The following KCNAB2 variants were observed in gnomAD, a reference collection of about 807,000 sequenced individuals.
KCNAB2 encodes voltage-gated potassium channel subunit beta-2.
A neutral mutation model predicts 63.6 loss-of-function variants in KCNAB2; 29 were observed. The ratio of observed to expected loss-of-function variants is 0.46; its 90% CI spans 0.34 to 0.62. The LOEUF is 0.62. KCNAB2 is among the 20% of genes least tolerant of loss of function. The pLI, the probability that KCNAB2 is intolerant of heterozygous loss-of-function variation, is 0.01. For missense variants in KCNAB2, 359 were observed against 563.9 expected (o/e 0.64, Z 3.68); for synonymous variants, 222 against 224.2 (o/e 0.99, Z 0.09).
At chr1:6,022,492 T>C (rs1472407540) in intron 1 of KCNAB2, among the ~76,000 whole-genome samples, 1 of 152,088 alleles carries the variant, frequency 6.6e-6, no homozygotes, top group African/African-American at 2.4e-5. Context: ...TGTAGTTCAG[T>C]GGTATTGAGT....
At chr1:6,082,497 C>G (rs1664294103) in intron 5 of KCNAB2, among the ~76,000 whole-genome samples, 1 of 152,144 alleles carries the variant, frequency 6.6e-6, no homozygotes, top group African/African-American at 2.4e-5. Flanking sequence ...GTGGAGCCAC[C>G]AGGGGGACCA....
In KCNAB2 at chr1:6,096,026, C is replaced by T. The variant is rs1235369882; in HGVS notation, c.948+402C>T. On this transcript the variant is annotated intron_variant, in intron 13 of 15. Coordinates refer to ENST00000378083, the MANE Select transcript of KCNAB2 (RefSeq NM_001199862.2). The surrounding 1 kb of genome is among the most constrained non-coding windows in gnomAD (Gnocchi z 5.9). ...ATGGAGGTGACCCTGGGAGAGGCGC[C>T]CCTCCCCACCACACAACCTCTGAGT... 4 of 458,248 alleles carry T rather than the reference C, an allele frequency of 8.7e-6. No individual in the cohort carries two copies. Among genetic ancestry groups the T allele is most frequent in the South Asian group, 1.6e-5 (1 of 64,342 alleles). The allele number at this position is 458,248 out of a possible 1,614,324, so 28.4% of individuals were successfully genotyped here.
Position 5,998,387 on chromosome 1 carries a change from G to A in KCNAB2, c.-53+5599G>A, listed in dbSNP as rs139391316. ...CCTCTGGATGGGGAGGACTGGGCTC[G>A]GTTGACCTTGGGTTTCGAGGTCTGT... is the stretch of plus-strand genomic sequence containing the variant. On this transcript the variant is annotated intron_variant, in intron 1 of 16. Coordinates refer to the KCNAB2 transcript ENST00000341524. 4.9e-3 allele frequency among the ~76,000 whole-genome samples: 745 copies of A among 152,254 alleles called. 4 individuals are homozygous for A. The highest frequency in any genetic ancestry group is 0.017 in the African/African-American group (720 of 41,548).
intron 10 of KCNAB2, among the ~76,000 whole-genome samples, chr1:6,091,842 C>A (rs1196847005): frequency 6.6e-6 from 1 of 152,222 alleles, no homozygotes; most frequent in African/African-American, 2.4e-5. Context: ...GGCATGCTGG[C>A]TGCGTGTCCC....
chr1:6,071,093 A>G lies in KCNAB2; in HGVS notation c.219-1662A>G, dbSNP rs1663145260. ...TCCACTCATGAGTTAGGAGTCCAGG[A>G]GCCTTATAACCAGGGAAACCGAGGC... On this transcript the variant is annotated intron_variant, in intron 2 of 15. Coordinates refer to ENST00000378083, the MANE Select transcript of KCNAB2 (RefSeq NM_001199862.2). This position sits in a 1 kb window ranked among gnomAD's most constrained non-coding sequence, Gnocchi z 8.5. 1.3e-5 allele frequency among the ~76,000 whole-genome samples: 2 copies of G among 152,210 alleles called. No individual in the cohort carries two copies. Among genetic ancestry groups the G allele is most frequent in the Admixed American group, 1.3e-4 (2 of 15,286 alleles).
rs1665603285 is a variant in KCNAB2, at chr1:6,096,017, G to C, written c.948+393G>C. 2 of 456,838 alleles carry C rather than the reference G, an allele frequency of 4.4e-6. No individual in the cohort carries two copies. Among genetic ancestry groups the C allele is most frequent in the South Asian group, 3.1e-5 (2 of 64,124 alleles). The allele number at this position is 456,838 out of a possible 1,614,324, so 28.3% of individuals were successfully genotyped here. ...CAAAGCCACATGGAGGTGACCCTGG[G>C]AGAGGCGCCCCTCCCCACCACACAA... On this transcript the variant is annotated intron_variant, in intron 13 of 15. Transcript: ENST00000378083. This position sits in a 1 kb window ranked among gnomAD's most constrained non-coding sequence, Gnocchi z 5.9.
intron 1 of KCNAB2, among the ~76,000 whole-genome samples, chr1:6,014,661 A>G (rs1658380437): frequency 2.0e-5 from 3 of 152,094 alleles, no homozygotes; most frequent in Admixed American, 2.0e-4. Flanking sequence ...GAGAAGATGA[A>G]CCTGATGCCT....
At chr1:6,091,539 T>C (rs879928635) in intron 10 of KCNAB2, among the ~76,000 whole-genome samples, 2 of 144,458 alleles carry the variant, frequency 1.4e-5, no homozygotes, top group Non-Finnish European at 3.0e-5. Flanking sequence ...CTCCCGTGCA[T>C]GGCCCCCACC....
At chr1:6,027,787 C>T (rs17029061) in intron 1 of KCNAB2, among the ~76,000 whole-genome samples, 3,917 of 152,306 alleles carry the variant, frequency 0.026, 175 homozygotes, top group African/African-American at 0.089. Flanking sequence ...CCCAATGCTT[C>T]TGCTGTTGAC....
At chr1:5,996,352 C>T (rs1240607400) in intron 1 of KCNAB2, among the ~76,000 whole-genome samples, 3 of 152,220 alleles carry the variant, frequency 2.0e-5, no homozygotes, top group Non-Finnish European at 2.9e-5. Context: ...GCCAGCCTCC[C>T]TCTTCCTGCA....
rs182160576 is a variant in KCNAB2, at chr1:5,997,597, G to A, written c.-53+4809G>A. Reference sequence around the variant, plus strand: ...GAATGTGTTTTCATTTTCCACCCCCGGGCAGCTTCATGATCTTTCATTGCA... The same window carrying A: ...GAATGTGTTTTCATTTTCCACCCCCAGGCAGCTTCATGATCTTTCATTGCA... On this transcript the variant is annotated intron_variant, in intron 1 of 16. Coordinates refer to the KCNAB2 transcript ENST00000341524. 1.6e-4 allele frequency among the ~76,000 whole-genome samples: 24 copies of A among 152,230 alleles called. No homozygotes were observed. The South Asian group carries it at 4.4e-3, about 28-fold the overall frequency.
rs1241625277 is a variant in KCNAB2, at chr1:6,078,964, G to A, written c.301-3231G>A. The stretch of plus-strand genomic sequence containing the variant: ...TGTGAGAAACCACCCAAGAGCCGCT[G>A]GAGGCTCAGAGCAGGGTGGGCACCG... On this transcript the variant is annotated intron_variant, in intron 4 of 15. Coordinates refer to ENST00000378083, the MANE Select transcript of KCNAB2 (RefSeq NM_001199862.2). The surrounding 1 kb of genome is among the most constrained non-coding windows in gnomAD (Gnocchi z 4.2). Among the ~76,000 whole-genome samples, 6 of 152,228 alleles carry A rather than the reference G, an allele frequency of 3.9e-5. No homozygotes were observed. Among genetic ancestry groups the A allele is most frequent in the Non-Finnish European group, 7.3e-5 (5 of 68,040 alleles).
chr1:6,008,102 G>A (rs112152125), intron 1 of KCNAB2, among the ~76,000 whole-genome samples: 2 of 152,196 alleles, frequency 1.3e-5, no homozygotes, highest in African/African-American at 2.4e-5. Flanking sequence ...ATGGGGAGGC[G>A]AACCTGGAGC....
At chr1:6,095,267 C>G (rs1406463360) in intron 11 of KCNAB2, 56 bp from the exon 12 acceptor site, 4 of 1,541,538 alleles carry the variant, frequency 2.6e-6, no homozygotes, top group Non-Finnish European at 3.5e-6. Flanking sequence ...GCTGCCCCGG[C>G]AGCCTCCCGC....
At chr1:6,083,273 C>T (rs1266524243) in intron 5 of KCNAB2, among the ~76,000 whole-genome samples, 1 of 152,224 alleles carries the variant, frequency 6.6e-6, no homozygotes, top group Non-Finnish European at 1.5e-5. Flanking sequence ...AGCCGAGAGG[C>T]ACCTCCCGTC....
chr1:6,084,478 G>A (rs1002825123), intron 5 of KCNAB2, among the ~76,000 whole-genome samples: 22 of 152,202 alleles, frequency 1.4e-4, no homozygotes, highest in Admixed American at 1.2e-3. Context: ...CATGTTGATT[G>A]TCTCTCAAAA....
At chr1:6,043,879 T>G (rs1570939710), upstream of KCNAB2, among the ~76,000 whole-genome samples, 3 of 152,330 alleles carry the variant, frequency 2.0e-5, no homozygotes, top group Middle Eastern at 6.8e-3. Context: ...AATCAGCATC[T>G]CTTCCTTGCT....
chr1:6,015,172 C>T (rs1658422222), intron 1 of KCNAB2, among the ~76,000 whole-genome samples: 1 of 152,062 alleles, frequency 6.6e-6, no homozygotes, highest in Non-Finnish European at 1.5e-5. Context: ...GCCAGGACTA[C>T]AGGTGCCCGC....
chr1:5,997,146 A>G (rs1656985114), intron 1 of KCNAB2, among the ~76,000 whole-genome samples: 1 of 152,134 alleles, frequency 6.6e-6, no homozygotes. Context: ...TTCCAGTCGG[A>G]CGAGGCGCCC....
Sources: gnomAD v4.1 joint callset for allele counts (sites outside exome capture counted in the v4.1 genomes callset) on GRCh38, gnomAD v4.1.1 for gene constraint, Gnocchi (gnomAD v3.1) non-coding constraint, MANE v1.5 for transcripts, NCBI Gene and HGNC (gene_info 2026-07-23, HGNC 2026-07-21) for gene names.